The following DNAH6 variants were observed in gnomAD, a reference collection of about 807,000 sequenced individuals.
DNAH6 encodes the protein dynein axonemal heavy chain 6, also known as axonemal beta dynein heavy chain 6.
A neutral mutation model predicts 491.4 loss-of-function variants in DNAH6; 340 were observed. The ratio of observed to expected loss-of-function variants is 0.69; its 90% CI spans 0.63 to 0.76. DNAH6 has a LOEUF of 0.76. Ranked by LOEUF, DNAH6 falls within the 30% of genes least tolerant of loss-of-function variation. The probability of loss-of-function intolerance (pLI) is 0.00; values close to 1 mark genes in which losing one functional copy is unlikely to be tolerated. For synonymous variants in DNAH6, 1,603 were observed against 1,686.1 expected, an observed-to-expected ratio of 0.95 and a Z score of 1.21; for missense variants, 4,443 against 4,972.2, an observed-to-expected ratio of 0.89 and a Z score of 3.20.
chr2:84,588,742 A>T lies in DNAH6; in HGVS notation c.2482-84A>T, dbSNP rs1226676433. On this transcript the variant is annotated intron_variant, in intron 15 of 76. Coordinates refer to ENST00000389394, the MANE Select transcript of DNAH6 (RefSeq NM_001370.2). ...AAAGAAAAGAGAAAGGAATCTTTTT[A>T]AAAATGTTTATTAATTCATTTAATT... The T allele has an allele frequency of 1.3e-5, 15 of 1,192,288 alleles. No individual in the cohort carries two copies. The East Asian group carries it at 1.6e-4, about 13-fold the overall frequency. The allele number at this position is 1,192,288 out of a possible 1,614,324, so 73.9% of individuals were successfully genotyped here. A position where few individuals can be genotyped will look rare whatever the true frequency, so the allele number is the denominator to read the frequency against.
intron 63 of DNAH6, among the ~76,000 whole-genome samples, chr2:84,755,820 A>G (rs551549244): frequency 1.3e-5 from 2 of 152,204 alleles, no homozygotes; most frequent in South Asian, 2.1e-4. Flanking sequence ...TCCCCACCCA[A>G]ATCTCATCTT....
intron 18 of DNAH6, among the ~76,000 whole-genome samples, 192 bp from the exon 19 acceptor site, chr2:84,604,147 G>T (rs759374250): frequency 6.6e-6 from 1 of 152,104 alleles, no homozygotes; most frequent in African/African-American, 2.4e-5. Context: ...AGTTTGTTCT[G>T]CCCCCGCAAA....
intron 8 of DNAH6, among the ~76,000 whole-genome samples, chr2:84,548,865 G>A (rs994867583): frequency 1.3e-5 from 2 of 152,186 alleles, no homozygotes; most frequent in Admixed American, 6.5e-5. Flanking sequence ...ATGGAGACTC[G>A]CAGTACAGCA....
chr2:84,607,602 A>G (rs979283968), intron 21 of DNAH6, among the ~76,000 whole-genome samples: 1 of 152,190 alleles, frequency 6.6e-6, no homozygotes. Flanking sequence ...ATACCCATTT[A>G]AAAAACCTGC....
chr2:84,587,181 T>A (rs930621594), intron 15 of DNAH6, among the ~76,000 whole-genome samples: 1 of 151,864 alleles, frequency 6.6e-6, no homozygotes, highest in African/African-American at 2.4e-5. Context: ...CATTTAGCTT[T>A]CACTTATAAG....
chr2:84,621,086 G>A (rs78458012), intron 24 of DNAH6, 105 bp from the exon 25 acceptor site: 53,139 of 1,152,786 alleles, frequency 0.046, 1,514 homozygotes, highest in Non-Finnish European at 0.054. Flanking sequence ...TTGTGGTCAG[G>A]CTTCAGCGTT....
intron 48 of DNAH6, among the ~76,000 whole-genome samples, chr2:84,700,589 G>A (rs1695807152): frequency 6.6e-6 from 1 of 152,204 alleles, no homozygotes; most frequent in African/African-American, 2.4e-5. Flanking sequence ...AAAATTTAAA[G>A]TGATACTAAT....
At chr2:84,653,118 C>A (rs1690607517) in intron 33 of DNAH6, among the ~76,000 whole-genome samples, 1 of 151,962 alleles carries the variant, frequency 6.6e-6, no homozygotes. Context: ...GTCTACTGTA[C>A]AGGAAACAAA....
chr2:84,719,389 A>T (rs1479642929), intron 59 of DNAH6, among the ~76,000 whole-genome samples: 1 of 152,214 alleles, frequency 6.6e-6, no homozygotes, highest in African/African-American at 2.4e-5. Flanking sequence ...TCTTTAAAGA[A>T]TGAAATATTC....
At chr2:84,576,600 A>G (rs1294386317) in intron 12 of DNAH6, among the ~76,000 whole-genome samples, 2 of 152,118 alleles carry the variant, frequency 1.3e-5, no homozygotes, top group Non-Finnish European at 2.9e-5. Context: ...TTAGAACTGT[A>G]TATGCATTAG....
At chr2:84,723,559 T>G (rs984338412) in intron 60 of DNAH6, among the ~76,000 whole-genome samples, 1 of 152,234 alleles carries the variant, frequency 6.6e-6, no homozygotes, top group African/African-American at 2.4e-5. Flanking sequence ...CCACTATTAG[T>G]GTTTTCTGTT....
the DNAH6 span, among the ~76,000 whole-genome samples, chr2:84,506,408 TG>T: frequency 6.6e-6 from 1 of 152,220 alleles, no homozygotes; most frequent in East Asian, 1.9e-4. Context: ...ACTTTTTTGA[TG>T]GGGTTGTTTG....
chr2:84,585,552 C>G (rs923546823), intron 15 of DNAH6, among the ~76,000 whole-genome samples: 1 of 151,812 alleles, frequency 6.6e-6, no homozygotes, highest in Non-Finnish European at 1.5e-5. Context: ...GAATGGGTGA[C>G]TCCTCTCTGC....
intron 39 of DNAH6, 74 bp from the exon 40 acceptor site, chr2:84,672,253 C>G: frequency 1.4e-6 from 2 of 1,446,438 alleles, no homozygotes; most frequent in Non-Finnish European, 1.9e-6. Context: ...AGTCCAAAGT[C>G]ATACCCTAGC....
rs1676138988 is a variant in DNAH6, at chr2:84,776,519, T to C, written c.10704-4974T>C. On this transcript the variant is annotated intron_variant, in intron 64 of 76. Coordinates refer to ENST00000389394, the MANE Select transcript of DNAH6 (RefSeq NM_001370.2). ...TGCACAACCTCCAACTAAAATCCTA[T>C]TGTAGCCTAGACAGTGAAATGATCT... is the stretch of plus-strand genomic sequence containing the variant. Among the ~76,000 whole-genome samples the C allele has an allele frequency of 2.0e-5, 3 of 152,224 alleles. 1 individual carries two copies. In the South Asian group the frequency reaches 6.2e-4, roughly 31 times the overall value.
chr2:84,759,190 C>T (rs1350062481), intron 63 of DNAH6, among the ~76,000 whole-genome samples: 1 of 151,232 alleles, frequency 6.6e-6, no homozygotes, highest in African/African-American at 2.4e-5. Flanking sequence ...GAAGGTAAAC[C>T]CATTTATAAT....
Position 84,621,443 on chromosome 2 carries a change from CCTGA to C in DNAH6, c.3967_3970del (p.Thr1323PhefsTer10). 2.6e-6 allele frequency: 4 copies of C among 1,540,744 alleles called. No individual in the cohort carries two copies. The highest frequency in any genetic ancestry group is 3.5e-6 in the Non-Finnish European group (4 of 1,137,638). ...AGAAACATGTTTTCTTGCAGGTTAT[CCTGA>C]CTGTTTCTCAAATTATGTGGTGCCG... On this transcript the variant is annotated frameshift_variant, in exon 26 of 77. Transcript: ENST00000389394. LOFTEE classifies it high-confidence loss of function.
At chr2:84,626,649 C>T (rs1687888520) in intron 29 of DNAH6, among the ~76,000 whole-genome samples, 1 of 152,082 alleles carries the variant, frequency 6.6e-6, no homozygotes. Flanking sequence ...GCTCTATTGC[C>T]CAGGATGCAG....
chr2:84,547,263 T>C lies in DNAH6; in HGVS notation c.931-5T>C. 3 of 1,521,542 alleles carry C rather than the reference T, an allele frequency of 2.0e-6. No individual in the cohort carries two copies. The highest frequency in any genetic ancestry group is 3.8e-4 in the Middle Eastern group (2 of 5,298). 94.3% of individuals were successfully genotyped at this position (1,521,542 alleles called of 1,614,324 possible). A position where few individuals can be genotyped will look rare whatever the true frequency, so the allele number is the denominator to read the frequency against. On this transcript the variant is annotated splice_polypyrimidine_tract_variant and splice_region_variant and intron_variant, in intron 5 of 76. Transcript: ENST00000389394. ...ACTAAATAATAAATTCCTATTTTCA[T>C]TCAGCATTTGCGACCAGCTCTTCTT...
Sources: allele counts gnomAD v4.1 joint callset (sites outside exome capture counted in the v4.1 genomes callset), GRCh38; gene constraint gnomAD v4.1.1; transcripts MANE v1.5; gene names NCBI Gene and HGNC (gene_info 2026-07-23, HGNC 2026-07-21).